The following FMO2 variants were observed in gnomAD, a reference collection of about 807,000 sequenced individuals.
FMO2 encodes flavin containing dimethylaniline monoxygenase 2.
A neutral mutation model predicts 41.6 loss-of-function variants in FMO2; 33 were observed. The observed-to-expected ratio is 0.79, with a 90% CI of 0.60 to 1.06. The LOEUF is 1.06. Ranked by LOEUF, FMO2 falls within the 50% of genes least tolerant of loss-of-function variation. FMO2 has a pLI of 0.00. For synonymous variants in FMO2, 214 were observed against 219.6 expected (o/e 0.97, Z 0.23); for missense variants, 619 against 632.9 (o/e 0.98, Z 0.23).
chr1:171,193,730 A>G (rs1658183317), intron 3 of FMO2, among the ~76,000 whole-genome samples: 2 of 152,064 alleles, frequency 1.3e-5, no homozygotes, highest in Admixed American at 1.3e-4. Context: ...GAGGAAAATC[A>G]TCTGTTAAAG....
At position 171,189,611 on chromosome 1, in the gene FMO2, A is replaced by G. The variant is rs1344120482; in HGVS notation, c.133-3724A>G. On this transcript the variant is annotated intron_variant, in intron 2 of 8. Transcript: ENST00000209929. The stretch of plus-strand genomic sequence containing the variant: ...CAAAGTTCATTGTGCAGAAGCAGCT[A>G]GGGAGAGCTTCTAAAATACAGAAAT... 2.0e-5 allele frequency among the ~76,000 whole-genome samples: 3 copies of G among 151,094 alleles called. No homozygotes were observed. The East Asian group carries it at 6.0e-4, about 30-fold the overall frequency.
intron 5 of FMO2, among the ~76,000 whole-genome samples, chr1:171,201,150 A>G (rs956317387): frequency 9.2e-5 from 14 of 152,232 alleles, no homozygotes; most frequent in Admixed American, 8.5e-4. Context: ...ACAGAGTGCA[A>G]AAGACTTTGT....
intron 2 of FMO2, 62 bp downstream of exon 2, chr1:171,185,907 T>A: frequency 6.7e-7 from 1 of 1,494,394 alleles, no homozygotes; most frequent in African/African-American, 1.4e-5. Flanking sequence ...GAATCACAGT[T>A]ACTGATGGGT....
intron 6 of FMO2, among the ~76,000 whole-genome samples, chr1:171,204,308 T>C (rs1658663837): frequency 6.6e-6 from 1 of 152,182 alleles, no homozygotes; most frequent in African/African-American, 2.4e-5. Context: ...GGGAGAACTT[T>C]CTAATACCCA....
chr1:171,192,565 T>C (rs12085769), intron 2 of FMO2, among the ~76,000 whole-genome samples: 2,019 of 151,976 alleles, frequency 0.013, 42 homozygotes, highest in African/African-American at 0.047. Flanking sequence ...ATTGAGACCA[T>C]TCTGGTTAAC....
chr1:171,187,897 C>T (rs1490351273), intron 2 of FMO2, among the ~76,000 whole-genome samples: 1 of 152,068 alleles, frequency 6.6e-6, no homozygotes, highest in Non-Finnish European at 1.5e-5. Flanking sequence ...AAATCACATT[C>T]ATTTCTTATT....
In FMO2 at chr1:171,212,522, C is replaced by T. The variant is rs1335244893; in HGVS notation, c.*3377C>T. ...TACTAACCTTTCTTTTAGCTATTCC[C>T]TTTATGATAGTTTCTTAATTTTTTC... On this transcript the variant is annotated 3_prime_UTR_variant, in exon 9 of 9. Coordinates refer to ENST00000209929, the MANE Select transcript of FMO2 (RefSeq NM_001460.5). 6.6e-6 allele frequency among the ~76,000 whole-genome samples: 1 copy of T among 152,128 alleles called. No individual in the cohort carries two copies. The highest frequency in any genetic ancestry group is 1.5e-5 in the Non-Finnish European group (1 of 68,018).
At chr1:171,194,091 T>C (rs759714969) in intron 3 of FMO2, among the ~76,000 whole-genome samples, 5 of 152,192 alleles carry the variant, frequency 3.3e-5, no homozygotes, top group Admixed American at 3.3e-4. Context: ...CAAAAATTCA[T>C]TTAAACTAAT....
Position 171,196,797 on chromosome 1 carries a change from T to G in FMO2, c.470T>G (p.Leu157Arg). 6.2e-7 allele frequency: 1 copy of G among 1,613,198 alleles called. No homozygotes were observed. The highest frequency in any genetic ancestry group is 8.5e-7 in the Non-Finnish European group (1 of 1,179,664). The change falls in exon 4 of 9, where the codon CTG becomes CGG. Residue 157 changes from leucine (L) to arginine (R), a missense_variant. Coordinates refer to ENST00000209929, the MANE Select transcript of FMO2 (RefSeq NM_001460.5). ...CACCACATTCTACCTCATATCCCACTGAAGTCATTTCCAGGTGAGACCCGC... is the reference window on the plus strand; with the variant it reads ...CACCACATTCTACCTCATATCCCACGGAAGTCATTTCCAGGTGAGACCCGC... The part of the protein sequence containing the change: ...SGHHILPHIP[L>R]KSFPGMERFK...
intron 4 of FMO2, among the ~76,000 whole-genome samples, chr1:171,198,626 G>C (rs1203156889): frequency 6.6e-6 from 1 of 151,994 alleles, no homozygotes; most frequent in African/African-American, 2.4e-5. Flanking sequence ...GGCCAGGCTG[G>C]TTTCAAATTC....
intron 3 of FMO2, among the ~76,000 whole-genome samples, chr1:171,195,467 A>C (rs1192492579): frequency 6.6e-6 from 1 of 152,222 alleles, no homozygotes; most frequent in African/African-American, 2.4e-5. Context: ...GATCTACAGC[A>C]CTTAGTTAAT....
In FMO2 at chr1:171,212,178, A is replaced by C. The variant is rs1184866107; in HGVS notation, c.*3033A>C. 6.6e-6 allele frequency among the ~76,000 whole-genome samples: 1 copy of C among 152,192 alleles called. No individual in the cohort carries two copies. Among genetic ancestry groups the C allele is most frequent in the Non-Finnish European group, 1.5e-5 (1 of 68,036 alleles). On this transcript the variant is annotated 3_prime_UTR_variant, in exon 9 of 9. Transcript: ENST00000209929. ...TTGGGAGATGGGGCCTAATGAGGTGATTAGGTGAAGTCTCTGCCCTCATGA... is the reference window on the plus strand; with the variant it reads ...TTGGGAGATGGGGCCTAATGAGGTGCTTAGGTGAAGTCTCTGCCCTCATGA...
rs773618766 is a variant in FMO2 at position 171,208,949 on chromosome 1, A to G, written c.1412A>G (p.Tyr471Cys). 2 of 1,613,612 alleles carry G rather than the reference A, an allele frequency of 1.2e-6. No homozygotes were observed. The highest frequency in any genetic ancestry group is 1.3e-5 in the African/African-American group (1 of 74,996). The change falls in exon 9 of 9, where the codon TAT becomes TGT. Residue 471 changes from tyrosine (Y) to cysteine (C), a missense_variant. Physicochemically the swap from Tyr to Cys is radical, Grantham distance 194 (BLOSUM62 -2). Coordinates refer to ENST00000209929, the MANE Select transcript of FMO2 (RefSeq NM_001460.5). The stretch of plus-strand genomic sequence containing the variant: ...CTCTATTTCGGACCCTGCAACTCCT[A>G]TCAGTATCGCCTGGTTGGGCCTGGG... ...VRLYFGPCNS[Y>C]QYRLVGPGQW...
chr1:171,205,371 C>G lies in FMO2; in HGVS notation c.920C>G (p.Thr307Arg). The G allele has an allele frequency of 6.2e-7, 1 of 1,613,854 alleles. No homozygotes were observed. The highest frequency in any genetic ancestry group is 8.5e-7 in the Non-Finnish European group (1 of 1,179,828). Reference protein sequence around the residue: ...IKVKSTVKELTETSAIFEDGT... With the variant: ...IKVKSTVKELRETSAIFEDGT... ...GTGAAATCTACAGTGAAAGAGCTCA[C>G]AGAAACTTCTGCCATCTTTGAGGAT... Residue 307 changes from threonine (T) to arginine (R), a missense_variant, in exon 7 of 9, where the codon ACA (threonine) becomes AGA (arginine). Transcript: ENST00000209929.
At chr1:171,195,021 C>T (rs1298624545) in intron 3 of FMO2, among the ~76,000 whole-genome samples, 3 of 152,166 alleles carry the variant, frequency 2.0e-5, no homozygotes, top group Non-Finnish European at 4.4e-5. Flanking sequence ...ACTTAACTAT[C>T]AATCTACTTA....
chr1:171,205,646 G>T lies in FMO2; in HGVS notation c.1183+12G>T, dbSNP rs371787701. 1 of 1,551,218 alleles carries T rather than the reference G, an allele frequency of 6.4e-7. No homozygotes were observed. Among genetic ancestry groups the T allele is most frequent in the Non-Finnish European group, 8.8e-7 (1 of 1,138,842 alleles). ...AAGAGTTTTCAAAGGTAAGTGTGTA[G>T]GCAGGTGAGTGGCTAAGCGTTTCAG... On this transcript the variant is annotated intron_variant, in intron 7 of 8. Coordinates refer to ENST00000209929, the MANE Select transcript of FMO2 (RefSeq NM_001460.5).
At chr1:171,186,342 T>G (rs1009867263) in intron 2 of FMO2, 3 of 153,110 alleles carry the variant, frequency 2.0e-5, no homozygotes, top group African/African-American at 7.2e-5. Flanking sequence ...TTTATTAAAT[T>G]TATTCTATTA....
chr1:171,204,154 C>A, intron 6 of FMO2, 90 bp downstream of exon 6: 1 of 891,548 alleles, frequency 1.1e-6, no homozygotes, highest in Non-Finnish European at 1.8e-6. Flanking sequence ...AAATTGCTAA[C>A]ACGGTAGTTA....
rs1019621247 is a variant in FMO2, at chr1:171,199,544, C to A, written c.627+56C>A. On this transcript the variant is annotated intron_variant, in intron 5 of 8. Coordinates refer to ENST00000209929, the MANE Select transcript of FMO2 (RefSeq NM_001460.5). Reference sequence around the variant, plus strand: ...GAGGGGAGGAAGTGGGGATGCCATACTGGAGAACCCCAGCCATATAATCGC... The same window carrying A: ...GAGGGGAGGAAGTGGGGATGCCATAATGGAGAACCCCAGCCATATAATCGC... 2.5e-5 allele frequency: 37 copies of A among 1,510,016 alleles called. No individual in the cohort carries two copies. In the South Asian group the frequency reaches 3.6e-4, roughly 15 times the overall value. 93.5% of individuals were successfully genotyped at this position (1,510,016 alleles called of 1,614,324 possible). A position where few individuals can be genotyped will look rare whatever the true frequency, so the allele number is the denominator to read the frequency against.
Sources: gnomAD v4.1 joint callset for allele counts (sites outside exome capture counted in the v4.1 genomes callset) on GRCh38, gnomAD v4.1.1 for gene constraint, MANE v1.5 for transcripts, NCBI Gene and HGNC (gene_info 2026-07-23, HGNC 2026-07-21) for gene names.